Variants in VRK2 observed in about 807,000 individuals in gnomAD.
VRK2 encodes serine/threonine-protein kinase VRK2.
A neutral mutation model predicts 57.6 loss-of-function variants in VRK2; 60 were observed. That is an observed-to-expected ratio of 1.04 (90% CI 0.85 to 1.29). VRK2 has a LOEUF of 1.29. VRK2 is among the 50% of genes most tolerant of loss of function. VRK2 has a pLI of 0.00. For synonymous variants in VRK2, 231 were observed against 199.2 expected, an observed-to-expected ratio of 1.16 and a Z score of -1.35; for missense variants, 705 against 588.1, an observed-to-expected ratio of 1.20 and a Z score of -2.06.
chr2:57,979,553 A>C (rs1672355483), intron 1 of VRK2, among the ~76,000 whole-genome samples: 1 of 145,292 alleles, frequency 6.9e-6, no homozygotes, highest in Non-Finnish European at 1.5e-5. Context: ...TTGGCCTCAT[A>C]GAATTAGTTA....
intron 1 of VRK2, among the ~76,000 whole-genome samples, chr2:57,994,820 T>C (rs919116666): frequency 3.9e-5 from 6 of 152,178 alleles, no homozygotes; most frequent in African/African-American, 9.7e-5. Flanking sequence ...ATAAACAACA[T>C]TGATTTTTAT....
chr2:58,116,876 C>T (rs1676594967), intron 7 of VRK2, among the ~76,000 whole-genome samples: 1 of 152,200 alleles, frequency 6.6e-6, no homozygotes, highest in African/African-American at 2.4e-5. Context: ...GCACTTGTAG[C>T]AAGCTCCTGG....
chr2:58,034,789 A>AC (rs2103704671), intron 3 of VRK2, among the ~76,000 whole-genome samples: 1 of 151,986 alleles, frequency 6.6e-6, no homozygotes, highest in South Asian at 2.1e-4. Flanking sequence ...AAAACAAAAA[A>AC]CAAAAAAAAA....
intron 8 of VRK2, among the ~76,000 whole-genome samples, chr2:58,124,201 GTT>G (rs1417299807): frequency 6.6e-6 from 1 of 152,104 alleles, no homozygotes; most frequent in East Asian, 1.9e-4. Flanking sequence ...AACCTTAGCT[GTT>G]TATTACACTG....
rs371442029 is a variant in VRK2, at chr2:57,951,616, T to C, written c.-439+43777T>C. 3.5e-4 allele frequency among the ~76,000 whole-genome samples: 54 copies of C among 152,280 alleles called. 1 individual carries two copies. In the South Asian group the frequency reaches 0.011, roughly 30 times the overall value. ...GCAAACTTTGTCTTATTTGAAGAAA[T>C]TGCCACAGCCACCCTAATCTTCAGC... On this transcript the variant is annotated intron_variant, in intron 1 of 15. Transcript: ENST00000417641.
At chr2:58,125,111 T>C (rs1471733441) in intron 8 of VRK2, among the ~76,000 whole-genome samples, 1 of 152,156 alleles carries the variant, frequency 6.6e-6, no homozygotes. Context: ...TTCTTAAGCA[T>C]TGGCCCAGTT....
At chr2:58,044,812 G>A (rs139181203), upstream of VRK2, among the ~76,000 whole-genome samples, 2 of 152,314 alleles carry the variant, frequency 1.3e-5, no homozygotes, top group Non-Finnish European at 2.9e-5. Context: ...GGGAGTGGGA[G>A]TGCATAATAG....
chr2:57,985,079 G>A (rs1012815484), intron 1 of VRK2, among the ~76,000 whole-genome samples: 2 of 151,926 alleles, frequency 1.3e-5, no homozygotes, highest in Non-Finnish European at 2.9e-5. Context: ...TAAAAAATAA[G>A]TCTCTTGCTG....
At chr2:57,976,060 T>G (rs752453758) in intron 1 of VRK2, among the ~76,000 whole-genome samples, 14 of 152,102 alleles carry the variant, frequency 9.2e-5, no homozygotes, top group Non-Finnish European at 1.5e-4. Context: ...GATAATGGCC[T>G]CCAGCTGCAT....
intron 1 of VRK2, among the ~76,000 whole-genome samples, chr2:58,007,499 A>G (rs184482133): frequency 2.8e-4 from 43 of 152,196 alleles, no homozygotes; most frequent in African/African-American, 1.0e-3. Context: ...ATAAAGGCAT[A>G]TGACAATCTA....
At chr2:58,111,511 G>A (rs527592889) in intron 7 of VRK2, among the ~76,000 whole-genome samples, 3 of 152,122 alleles carry the variant, frequency 2.0e-5, no homozygotes, top group Non-Finnish European at 2.9e-5. Context: ...CACCATTTTG[G>A]GAAGCTGAAG....
chr2:58,157,973 G>A (rs1684226624), intron 12 of VRK2, among the ~76,000 whole-genome samples: 1 of 152,140 alleles, frequency 6.6e-6, no homozygotes, highest in African/African-American at 2.4e-5. Context: ...GACCCCCTCA[G>A]TGTACTGAAG....
chr2:58,051,544 A>G (rs568120575), intron 2 of VRK2, among the ~76,000 whole-genome samples: 1 of 152,362 alleles, frequency 6.6e-6, no homozygotes, highest in Admixed American at 6.5e-5. Context: ...AATGAAGAGA[A>G]GAAGCAGTAA....
intron 1 of VRK2, among the ~76,000 whole-genome samples, chr2:57,999,032 T>G (rs1673008532): frequency 6.6e-6 from 1 of 152,070 alleles, no homozygotes; most frequent in Non-Finnish European, 1.5e-5. Flanking sequence ...AAAATTTATA[T>G]CTACTGGACA....
chr2:58,136,544 C>T (rs993813159), intron 10 of VRK2, among the ~76,000 whole-genome samples: 1 of 151,700 alleles, frequency 6.6e-6, no homozygotes, highest in Admixed American at 6.6e-5. Flanking sequence ...GCCACGATGC[C>T]CAGCTACTTT....
At chr2:58,155,047 A>G (rs1424805364) in intron 12 of VRK2, among the ~76,000 whole-genome samples, 1 of 152,136 alleles carries the variant, frequency 6.6e-6, no homozygotes, top group African/African-American at 2.4e-5. Context: ...ATAGGATATG[A>G]CGGTCTGCCT....
Position 58,061,428 on chromosome 2 carries a change from A to G in VRK2, c.136+12461A>G, listed in dbSNP as rs79687111. Among the ~76,000 whole-genome samples, 1,021 of 152,124 alleles carry G rather than the reference A, an allele frequency of 6.7e-3. 13 individuals are homozygous for G. The highest frequency in any genetic ancestry group is 0.023 in the African/African-American group (960 of 41,550). On this transcript the variant is annotated intron_variant, in intron 2 of 12. Transcript: ENST00000340157. The stretch of plus-strand genomic sequence containing the variant: ...ATTATATACATTAGTGTATTATAAT[A>G]AAATTGTCAGTTAACTACATTGGAA...
At chr2:58,060,394 G>A (rs1174190483) in intron 2 of VRK2, among the ~76,000 whole-genome samples, 1 of 151,762 alleles carries the variant, frequency 6.6e-6, no homozygotes, top group African/African-American at 2.4e-5. Context: ...GCACTTTTAA[G>A]TTCCTTCTGA....
At chr2:57,979,698 A>T (rs1441072402) in intron 1 of VRK2, among the ~76,000 whole-genome samples, 1 of 152,068 alleles carries the variant, frequency 6.6e-6, no homozygotes, top group Non-Finnish European at 1.5e-5. Context: ...TAAGGTTTTT[A>T]TTACTAACTC....
Sources: allele counts gnomAD v4.1 joint callset (sites outside exome capture counted in the v4.1 genomes callset), GRCh38; gene constraint gnomAD v4.1.1; transcripts MANE v1.5; gene names NCBI Gene and HGNC (gene_info 2026-07-23, HGNC 2026-07-21).